NELL1: variants seen among roughly 807,000 people sequenced by gnomAD.
The protein encoded by NELL1 is protein kinase C-binding protein NELL1.
NELL1 carries 76 observed loss-of-function variants against 107.4 expected under a neutral mutation model. The observed-to-expected ratio is 0.71, with a 90% CI of 0.59 to 0.86. The LOEUF (loss-of-function observed/expected upper bound fraction) is 0.86. Among genes scored for constraint, NELL1 ranks in the 40% least tolerant of loss-of-function variants. NELL1 has a pLI of 0.00. For synonymous variants in NELL1, 353 were observed against 341.2 expected (o/e 1.03, Z -0.38); for missense variants, 1,024 against 1,005.5 (o/e 1.02, Z -0.25).
intron 12 of NELL1, among the ~76,000 whole-genome samples, chr11:21,039,216 T>A (rs1364050184): frequency 6.6e-6 from 1 of 152,026 alleles, no homozygotes; most frequent in Admixed American, 6.6e-5. Flanking sequence ...AGAGTCTTGC[T>A]CTGCTGTCTC....
At chr11:21,036,809 T>G (rs7111454) in intron 12 of NELL1, among the ~76,000 whole-genome samples, 29,843 of 152,010 alleles carry the variant, frequency 0.2, 3,462 homozygotes, top group African/African-American at 0.32. Flanking sequence ...GTTTTCTGGT[T>G]TCCTTTGATA....
In NELL1 at chr11:21,404,010, C is replaced by T. The variant is rs1051937140; in HGVS notation, c.1645+33062C>T. On this transcript the variant is annotated intron_variant, in intron 15 of 19. Transcript: ENST00000357134. ...AATATCTCTGTCATTCCTGAACCCCCCCCCCCGCAATCAAAACCACTGGAT... is the reference window on the plus strand; with the variant it reads ...AATATCTCTGTCATTCCTGAACCCCTCCCCCCGCAATCAAAACCACTGGAT... Among the ~76,000 whole-genome samples the T allele has an allele frequency of 3.7e-5, 4 of 108,242 alleles. No homozygotes were observed. The East Asian group carries it at 1.0e-3, about 28-fold the overall frequency. The allele number at this position is 108,242 out of a possible 152,430, so 71.0% of individuals were successfully genotyped here.
chr11:20,839,193 T>A (rs957992417), intron 3 of NELL1, among the ~76,000 whole-genome samples: 2 of 152,204 alleles, frequency 1.3e-5, no homozygotes, highest in Non-Finnish European at 2.9e-5. Context: ...GCATGGCTAA[T>A]ACCATGTGGA....
intron 12 of NELL1, among the ~76,000 whole-genome samples, chr11:20,992,042 GT>G (rs1387931027): frequency 6.8e-6 from 1 of 146,504 alleles, no homozygotes; most frequent in Non-Finnish European, 1.5e-5. Flanking sequence ...ACTCAATAAT[GT>G]TTTTAGGAAG....
At chr11:21,016,582 A>G (rs1246877280) in intron 12 of NELL1, among the ~76,000 whole-genome samples, 1 of 151,922 alleles carries the variant, frequency 6.6e-6, no homozygotes, top group Non-Finnish European at 1.5e-5. Flanking sequence ...ATGTGTTCTT[A>G]CCTCAAATTA....
rs1281576660 is a variant in NELL1 at position 21,269,374 on chromosome 11, T to TCA, written c.1549+39921_1549+39922insAC. 1.5e-3 allele frequency among the ~76,000 whole-genome samples: 226 copies of TCA among 149,496 alleles called. 1 individual carries two copies. Among genetic ancestry groups the TCA allele is most frequent in the African/African-American group, 4.7e-3 (188 of 40,002 alleles). On this transcript the variant is annotated intron_variant, in intron 14 of 19. Transcript: ENST00000357134. Reference sequence around the variant, plus strand: ...CCCTCTCTCTCTCTCTCTCTCTCTCTCTCACACACACACACACAGAGGCAT... The same window carrying TCA: ...CCCTCTCTCTCTCTCTCTCTCTCTCTCACTCACACACACACACACAGAGGCAT...
At chr11:20,988,611 T>A (rs1851904386) in intron 12 of NELL1, among the ~76,000 whole-genome samples, 1 of 151,780 alleles carries the variant, frequency 6.6e-6, no homozygotes, top group Admixed American at 6.6e-5. Flanking sequence ...TCTTTTCTTT[T>A]TTTTTTTGAG....
chr11:20,691,542 C>A (rs971545213), intron 2 of NELL1, among the ~76,000 whole-genome samples: 1 of 152,042 alleles, frequency 6.6e-6, no homozygotes, highest in Non-Finnish European at 1.5e-5. Flanking sequence ...TTGAGATAAT[C>A]GTGTGGTTTT....
At chr11:20,828,212 A>C (rs327018) in intron 3 of NELL1, among the ~76,000 whole-genome samples, 2 of 151,180 alleles carry the variant, frequency 1.3e-5, no homozygotes, top group African/African-American at 4.8e-5. Flanking sequence ...ATTTAAGACA[A>C]TGTCTGGCAC....
intron 14 of NELL1, among the ~76,000 whole-genome samples, chr11:21,233,322 TA>T (rs1279919144): frequency 6.6e-6 from 1 of 152,230 alleles, no homozygotes; most frequent in African/African-American, 2.4e-5. Flanking sequence ...AAGTAAATTT[TA>T]AGTAAGACGT....
chr11:21,222,272 C>A (rs551112542), intron 13 of NELL1, among the ~76,000 whole-genome samples: 35 of 152,166 alleles, frequency 2.3e-4, no homozygotes, highest in African/African-American at 7.5e-4. Flanking sequence ...CTCTGCCTCC[C>A]AGGTTCACAC....
chr11:20,790,726 A>T (rs1253407367), intron 3 of NELL1, among the ~76,000 whole-genome samples: 1 of 152,192 alleles, frequency 6.6e-6, no homozygotes, highest in Non-Finnish European at 1.5e-5. Flanking sequence ...TCTACGGGGC[A>T]GGAGGCCTGG....
At chr11:20,716,703 T>C (rs1214599228) in intron 2 of NELL1, among the ~76,000 whole-genome samples, 4 of 152,224 alleles carry the variant, frequency 2.6e-5, no homozygotes, top group Non-Finnish European at 4.4e-5. Context: ...TAGCTATGAC[T>C]CTTACTAGCT....
chr11:21,437,876 T>G (rs1175662473), intron 15 of NELL1, among the ~76,000 whole-genome samples: 1 of 152,240 alleles, frequency 6.6e-6, no homozygotes, highest in Non-Finnish European at 1.5e-5. Context: ...GTTGGAAAAC[T>G]TAAATTATTT....
chr11:20,730,362 A>G (rs1855610787), intron 2 of NELL1, among the ~76,000 whole-genome samples: 1 of 152,160 alleles, frequency 6.6e-6, no homozygotes, highest in South Asian at 2.1e-4. Context: ...TTGTGTGTGT[A>G]TGCATTTTAC....
intron 2 of NELL1, among the ~76,000 whole-genome samples, chr11:20,700,801 T>A (rs2133880442): frequency 6.6e-6 from 1 of 152,200 alleles, no homozygotes; most frequent in South Asian, 2.1e-4. Flanking sequence ...GAATGATGGT[T>A]TCCAGTTTCA....
intron 13 of NELL1, among the ~76,000 whole-genome samples, chr11:21,117,576 C>A (rs1590653014): frequency 6.6e-6 from 1 of 151,944 alleles, no homozygotes; most frequent in East Asian, 1.9e-4. Context: ...TTTATCATAG[C>A]ACTTTTATCA....
At chr11:20,782,728 G>A (rs984956593) in intron 2 of NELL1, among the ~76,000 whole-genome samples, 1 of 152,148 alleles carries the variant, frequency 6.6e-6, no homozygotes, top group Admixed American at 6.6e-5. Context: ...TGTGAGAGGA[G>A]GTCACCAAAC....
At chr11:21,133,659 G>A (rs960706178) in intron 13 of NELL1, among the ~76,000 whole-genome samples, 2 of 143,820 alleles carry the variant, frequency 1.4e-5, no homozygotes, top group Admixed American at 7.4e-5. Context: ...CCCAGGTTTG[G>A]CCTCAACTTT....
Sources: allele counts gnomAD v4.1 joint callset (sites outside exome capture counted in the v4.1 genomes callset), GRCh38; gene constraint gnomAD v4.1.1; transcripts MANE v1.5; gene names NCBI Gene and HGNC (gene_info 2026-07-23, HGNC 2026-07-21).